ASAH2: variants seen among roughly 807,000 people sequenced by gnomAD.
ASAH2 encodes the protein neutral ceramidase.
Under a neutral mutation model 82.9 loss-of-function variants are expected in ASAH2, and 58 were observed. The observed-to-expected ratio is 0.70, with a 90% CI of 0.57 to 0.87. The LOEUF is 0.87. Among genes scored for constraint, ASAH2 ranks in the 40% least tolerant of loss-of-function variants. The probability of loss-of-function intolerance (pLI) is 0.00; values close to 1 mark genes in which losing one functional copy is unlikely to be tolerated. For synonymous variants in ASAH2, 276 were observed against 289.7 expected (o/e 0.95, Z 0.48); for missense variants, 779 against 834.0 (o/e 0.93, Z 0.81).
At chr10:50,200,835 G>A (rs1234411556) in intron 16 of ASAH2, among the ~76,000 whole-genome samples, 10 of 152,244 alleles carry the variant, frequency 6.6e-5, no homozygotes, top group African/African-American at 2.2e-4. Context: ...ATATTGGGTA[G>A]AAGAGAGTGG....
At chr10:50,247,395 C>T (rs572300758) in intron 2 of ASAH2, among the ~76,000 whole-genome samples, 1 of 151,970 alleles carries the variant, frequency 6.6e-6, no homozygotes, top group African/African-American at 2.4e-5. Context: ...AAACTCTTGA[C>T]CTCAGGTGAT....
chr10:50,214,828 T>C lies in ASAH2; in HGVS notation c.1055A>G (p.Asp352Gly). 1 of 1,613,740 alleles carries C rather than the reference T, an allele frequency of 6.2e-7. No homozygotes were observed. The highest frequency in any genetic ancestry group is 1.1e-5 in the South Asian group (1 of 91,072). Residue 352 changes from aspartate (D) to glycine (G), a missense_variant, in exon 9 of 21, where the codon GAT becomes GGT. By Grantham distance (94) the Asp-to-Gly change is moderately conservative. This residue lies in a region of ASAH2 where 759 missense variants were observed against 755.2 expected (regional missense o/e 1.00). Transcript: ENST00000682911. ...VAAFASSNLG[D>G]VSPNILGPRC... Reference sequence around the variant, plus strand: ...TGGTCCAAGAATGTTGGGGGACACATCTCCTAGGTTTGATGAAGCAAAGGC... The same window carrying C: ...TGGTCCAAGAATGTTGGGGGACACACCTCCTAGGTTTGATGAAGCAAAGGC...
intron 4 of ASAH2, among the ~76,000 whole-genome samples, chr10:50,242,306 C>A (rs1846321868): frequency 1.3e-5 from 2 of 152,162 alleles, no homozygotes; most frequent in South Asian, 4.1e-4. Context: ...CAAGAGGGAG[C>A]AATGTTAAAG....
chr10:50,199,576 A>G lies in ASAH2; in HGVS notation c.1762-430T>C, dbSNP rs1475678103. On this transcript the variant is annotated intron_variant, in intron 16 of 20. Coordinates refer to ENST00000682911, the MANE Select transcript of ASAH2 (RefSeq NM_019893.4). ...AAGACATTTAATCCATCACAAAGCCATGAAATTGAGCCAAATGCATCTTTT... is the reference window on the plus strand; with the variant it reads ...AAGACATTTAATCCATCACAAAGCCGTGAAATTGAGCCAAATGCATCTTTT... 1.2e-3 allele frequency among the ~76,000 whole-genome samples: 183 copies of G among 150,346 alleles called. 1 individual carries two copies. Among genetic ancestry groups the G allele is most frequent in the African/African-American group, 4.4e-3 (179 of 40,704 alleles).
chr10:50,245,797 G>A (rs775450897), intron 2 of ASAH2, among the ~76,000 whole-genome samples: 3 of 151,918 alleles, frequency 2.0e-5, no homozygotes, highest in Non-Finnish European at 2.9e-5. Context: ...CAATATCTGG[G>A]GATTGGTTTC....
At chr10:50,206,579 A>ACAC (rs1845305023) in intron 12 of ASAH2, among the ~76,000 whole-genome samples, 4 of 48,914 alleles carry the variant, frequency 8.2e-5, no homozygotes, top group South Asian at 1.2e-3. Context: ...CACACACACA[A>ACAC]AGCAGTAAAA....
chr10:50,203,542 G>GA (rs1257261728), intron 15 of ASAH2, 98 bp downstream of exon 15: 2 of 1,001,310 alleles, frequency 2.0e-6, no homozygotes, highest in African/African-American at 3.1e-5. Context: ...TTAATTTCAA[G>GA]AAATGTGGAA....
At chr10:50,250,863 G>T (rs552704451) in intron 1 of ASAH2, among the ~76,000 whole-genome samples, 1 of 152,156 alleles carries the variant, frequency 6.6e-6, no homozygotes, top group Non-Finnish European at 1.5e-5. Context: ...CACCTATTAC[G>T]TGGACTTGAA....
chr10:50,218,358 G>A, intron 8 of ASAH2, 152 bp downstream of exon 8: 4 of 1,118,236 alleles, frequency 3.6e-6, no homozygotes, highest in Non-Finnish European at 2.7e-6. Flanking sequence ...CCACATTAGG[G>A]AGGATGGTAA....
chr10:50,185,317 C>A lies in ASAH2; in HGVS notation c.*1998G>T. ...GAACTGCGAACATAGAACTGCATGC[C>A]CTAGAAGAAATGACAGCTGGTGAGA... On this transcript the variant is annotated 3_prime_UTR_variant, in exon 21 of 21. Coordinates refer to ENST00000682911, the MANE Select transcript of ASAH2 (RefSeq NM_019893.4). 1 of 143,838 alleles carries A rather than the reference C, an allele frequency of 7.0e-6. No homozygotes were observed. Among genetic ancestry groups the A allele is most frequent in the South Asian group, 2.3e-4 (1 of 4,348 alleles). The allele number at this position is 143,838 out of a possible 1,614,324, so 8.9% of individuals were successfully genotyped here.
chr10:50,250,949 C>T (rs1846598901), intron 1 of ASAH2, among the ~76,000 whole-genome samples: 1 of 152,176 alleles, frequency 6.6e-6, no homozygotes, highest in African/African-American at 2.4e-5. Context: ...CTTTTTGAAC[C>T]ACTTTAGCTA....
rs780068248 is a variant in ASAH2 at position 50,251,385 on chromosome 10, C to T, written c.-37+10G>A. ...TCCCTCCTTCCCCAAGAAAACATAG[C>T]TGTCCTTACCTGATTCTAGTACTCA... On this transcript the variant is annotated intron_variant, in intron 1 of 20. Transcript: ENST00000682911. Among the ~76,000 whole-genome samples the T allele has an allele frequency of 5.3e-5, 8 of 152,182 alleles. No homozygotes were observed. Among genetic ancestry groups the T allele is most frequent in the Non-Finnish European group, 1.2e-4 (8 of 68,030 alleles).
At chr10:50,240,608 T>C in intron 4 of ASAH2, 3 of 702,130 alleles carry the variant, frequency 4.3e-6, no homozygotes, top group Non-Finnish European at 7.8e-6. Context: ...ATGATAAACA[T>C]ATCTTCCAGA....
At chr10:50,201,890 ACAT>A (rs1845159597) in intron 16 of ASAH2, among the ~76,000 whole-genome samples, 2 of 152,144 alleles carry the variant, frequency 1.3e-5, no homozygotes, top group Admixed American at 1.3e-4. Flanking sequence ...AGAGTAAAAG[ACAT>A]TTCTAGACCT....
intron 8 of ASAH2, among the ~76,000 whole-genome samples, chr10:50,217,261 A>G (rs1201931586): frequency 6.6e-4 from 87 of 131,730 alleles, no homozygotes; most frequent in African/African-American, 2.2e-3. Flanking sequence ...GGAGTCTCGC[A>G]CTGTCCCCCA....
intron 4 of ASAH2, among the ~76,000 whole-genome samples, chr10:50,239,568 A>T (rs1846241444): frequency 6.6e-6 from 1 of 152,158 alleles, no homozygotes; most frequent in Admixed American, 6.6e-5. Context: ...ATGAGCATGA[A>T]TTCTGACACC....
chr10:50,185,314 T>G lies in ASAH2; in HGVS notation c.*2001A>C, dbSNP rs1844716363. The G allele has an allele frequency of 6.9e-6, 1 of 145,336 alleles. No individual in the cohort carries two copies. Among genetic ancestry groups the G allele is most frequent in the Non-Finnish European group, 1.5e-5 (1 of 66,362 alleles). The allele number at this position is 145,336 out of a possible 1,614,324, so 9.0% of individuals were successfully genotyped here. On this transcript the variant is annotated 3_prime_UTR_variant, in exon 21 of 21. Transcript: ENST00000682911. ...CATGAACTGCGAACATAGAACTGCA[T>G]GCCCTAGAAGAAATGACAGCTGGTG...
chr10:50,218,324 A>G (rs1310115111), intron 8 of ASAH2, among the ~76,000 whole-genome samples, 186 bp downstream of exon 8: 3 of 152,214 alleles, frequency 2.0e-5, no homozygotes, highest in Non-Finnish European at 4.4e-5. Context: ...GCAAATGGTT[A>G]GTACTCATTT....
At chr10:50,244,182 G>A (rs1306242606) in intron 3 of ASAH2, among the ~76,000 whole-genome samples, 1 of 152,196 alleles carries the variant, frequency 6.6e-6, no homozygotes, top group Non-Finnish European at 1.5e-5. Context: ...CATGCAGAGT[G>A]AGGTATTTGG....
Sources: allele counts gnomAD v4.1 joint callset (sites outside exome capture counted in the v4.1 genomes callset), GRCh38; gene constraint gnomAD v4.1.1; regional missense constraint gnomAD v4.1.1; transcripts MANE v1.5; gene names NCBI Gene and HGNC (gene_info 2026-07-23, HGNC 2026-07-21).